SHISA9: variants seen among roughly 807,000 people sequenced by gnomAD.
SHISA9 encodes the protein shisa family member 9.
In SHISA9, 13 loss-of-function variants were observed where a neutral mutation model predicts 38.0. The ratio of observed to expected loss-of-function variants is 0.34; its 90% CI spans 0.22 to 0.54. SHISA9 has a LOEUF of 0.54. SHISA9 is among the 20% of genes least tolerant of loss of function. The probability of loss-of-function intolerance (pLI) is 0.91; values close to 1 mark genes in which losing one functional copy is unlikely to be tolerated. For missense variants in SHISA9, 538 were observed against 575.8 expected, an observed-to-expected ratio of 0.93 and a Z score of 0.67; for synonymous variants, 275 against 242.0, an observed-to-expected ratio of 1.14 and a Z score of -1.27.
chr16:13,305,168 T>A, the SHISA9 span, among the ~76,000 whole-genome samples: 1 of 152,208 alleles, frequency 6.6e-6, no homozygotes, highest in Non-Finnish European at 1.5e-5. Flanking sequence ...ACATGTAGCC[T>A]AAAGATAATT....
rs1246452826 is a variant in SHISA9, at chr16:12,975,654, G to GGT, written c.691+58840_691+58841insTG. Among the ~76,000 whole-genome samples the GGT allele has an allele frequency of 3.3e-3, 474 of 143,830 alleles. 8 individuals are homozygous for GGT. Among genetic ancestry groups the GGT allele is most frequent in the African/African-American group, 0.012 (446 of 37,542 alleles). 94.4% of individuals were successfully genotyped at this position (143,830 alleles called of 152,430 possible). A position where few individuals can be genotyped will look rare whatever the true frequency, so the allele number is the denominator to read the frequency against. On this transcript the variant is annotated intron_variant, in intron 2 of 4. Coordinates refer to ENST00000558583, the MANE Select transcript of SHISA9 (RefSeq NM_001145204.3). ...TGGTAAATGGGTGGGGTGGGACGGG[G>GGT]GCGGGGGGGGTAAGGGCATGTCACT...
chr16:13,064,219 TGCCAG>T (rs2073408125), intron 2 of SHISA9, among the ~76,000 whole-genome samples: 1 of 152,196 alleles, frequency 6.6e-6, no homozygotes, highest in African/African-American at 2.4e-5. Flanking sequence ...ATAGTTTTAA[TGCCAG>T]GCCACAGTCA....
the SHISA9 span, among the ~76,000 whole-genome samples, chr16:13,558,382 ACTT>A: frequency 6.6e-6 from 1 of 152,140 alleles, no homozygotes; most frequent in Non-Finnish European, 1.5e-5. Context: ...GTACATAGTC[ACTT>A]CTTGTTATTT....
the SHISA9 span, among the ~76,000 whole-genome samples, chr16:13,364,482 T>C: frequency 6.6e-6 from 1 of 152,254 alleles, no homozygotes; most frequent in East Asian, 1.9e-4. Flanking sequence ...ATATGCAAGA[T>C]GGTTCTTTTC....
the SHISA9 span, among the ~76,000 whole-genome samples, chr16:13,478,569 C>G: frequency 6.6e-6 from 1 of 152,208 alleles, no homozygotes; most frequent in Admixed American, 6.5e-5. Flanking sequence ...TGAACTAGAT[C>G]ATCCTGGAAG....
At chr16:13,500,364 G>C in the SHISA9 span, among the ~76,000 whole-genome samples, 3 of 152,130 alleles carry the variant, frequency 2.0e-5, no homozygotes, top group Admixed American at 2.0e-4. Context: ...CCCAGTCTCA[G>C]GTATGTCTTC....
At chr16:13,424,424 A>T in the SHISA9 span, among the ~76,000 whole-genome samples, 2 of 152,040 alleles carry the variant, frequency 1.3e-5, no homozygotes, top group African/African-American at 4.8e-5. Context: ...TCTGCTCCAA[A>T]CCCCTAGGCA....
the SHISA9 span, among the ~76,000 whole-genome samples, chr16:13,514,332 A>T: frequency 1.3e-4 from 20 of 152,286 alleles, no homozygotes; most frequent in Non-Finnish European, 1.8e-4. Flanking sequence ...GAAAAAATTT[A>T]AAAAAAGAAA....
the SHISA9 span, among the ~76,000 whole-genome samples, chr16:13,504,668 A>G: frequency 6.6e-6 from 1 of 152,228 alleles, no homozygotes; most frequent in East Asian, 1.9e-4. Flanking sequence ...TCTGTTCACA[A>G]CAAATGAACC....
intron 2 of SHISA9, among the ~76,000 whole-genome samples, chr16:13,178,755 G>A (rs892130320): frequency 1.3e-5 from 2 of 152,190 alleles, no homozygotes; most frequent in Admixed American, 1.3e-4. Flanking sequence ...ATTTCCCAGA[G>A]AGCAGAAGAT....
intron 2 of SHISA9, among the ~76,000 whole-genome samples, chr16:13,031,905 A>G (rs2072995291): frequency 6.6e-6 from 1 of 152,202 alleles, no homozygotes; most frequent in Non-Finnish European, 1.5e-5. Context: ...GCCACATAGG[A>G]ATACATAAAA....
At chr16:12,913,389 G>T (rs1488936712) in intron 1 of SHISA9, among the ~76,000 whole-genome samples, 1 of 152,122 alleles carries the variant, frequency 6.6e-6, no homozygotes, top group Non-Finnish European at 1.5e-5. Context: ...TAGAGATGGG[G>T]TTTCACCATG....
intron 2 of SHISA9, among the ~76,000 whole-genome samples, chr16:13,015,210 G>C (rs2072726689): frequency 6.6e-6 from 1 of 152,240 alleles, no homozygotes; most frequent in African/African-American, 2.4e-5. Flanking sequence ...TGTATTGTCT[G>C]TGGCACCTTT....
In SHISA9 at chr16:12,934,295, T is replaced by C. The variant is rs75733300; in HGVS notation, c.691+17480T>C. Among the ~76,000 whole-genome samples the C allele has an allele frequency of 5.9e-3, 892 of 152,354 alleles. 60 individuals carry two copies. In the East Asian group the frequency reaches 0.15, roughly 25 times the overall value. ...TAGGTGTTTTATACATGTCCTATTG[T>C]GTGTCAATGCTTGACCTGACCATCC... On this transcript the variant is annotated intron_variant, in intron 2 of 4. Transcript: ENST00000558583.
intron 2 of SHISA9, among the ~76,000 whole-genome samples, chr16:12,969,426 A>G (rs1201725237): frequency 6.6e-6 from 1 of 150,742 alleles, no homozygotes; most frequent in Non-Finnish European, 1.5e-5. Context: ...CCTTGCACTT[A>G]TAAAGTGTAC....
the SHISA9 span, among the ~76,000 whole-genome samples, chr16:13,307,564 A>C: frequency 2.6e-5 from 4 of 152,220 alleles, no homozygotes; most frequent in East Asian, 7.7e-4. Context: ...TTGGTTGTCC[A>C]TTCCAGGAAT....
chr16:13,163,424 AG>A lies in SHISA9; in HGVS notation c.692-39969del, dbSNP rs558477229. Among the ~76,000 whole-genome samples, 41 of 152,284 alleles carry A rather than the reference AG, an allele frequency of 2.7e-4. No individual in the cohort carries two copies. The South Asian group carries it at 5.2e-3, about 19-fold the overall frequency. ...AATTAGATGATCATTTCTACAAAAA[AG>A]TGTGCTTGAATTTTTACTGCGATTG... On this transcript the variant is annotated intron_variant, in intron 2 of 4. Coordinates refer to ENST00000558583, the MANE Select transcript of SHISA9 (RefSeq NM_001145204.3).
At chr16:13,367,749 C>A in the SHISA9 span, among the ~76,000 whole-genome samples, 1 of 149,180 alleles carries the variant, frequency 6.7e-6, no homozygotes, top group Middle Eastern at 3.2e-3. Flanking sequence ...CACACACACA[C>A]CCCTGAATTT....
At chr16:13,078,364 T>C (rs1035545829) in intron 2 of SHISA9, among the ~76,000 whole-genome samples, 1 of 152,178 alleles carries the variant, frequency 6.6e-6, no homozygotes, top group African/African-American at 2.4e-5. Flanking sequence ...CACTGTATTG[T>C]TTATTTGTAT....
Sources: gnomAD v4.1 joint callset for allele counts (sites outside exome capture counted in the v4.1 genomes callset) on GRCh38, gnomAD v4.1.1 for gene constraint, MANE v1.5 for transcripts, NCBI Gene and HGNC (gene_info 2026-07-23, HGNC 2026-07-21) for gene names.